The following PIBF1 variants were observed in gnomAD, a reference collection of about 807,000 sequenced individuals.
PIBF1 encodes progesterone immunomodulatory binding factor 1, also known as progesterone-induced-blocking factor 1.
PIBF1 carries 90 observed loss-of-function variants against 112.5 expected under a neutral mutation model. The observed-to-expected ratio is 0.80, with a 90% confidence interval of 0.67 to 0.95. PIBF1 has a LOEUF of 0.95. PIBF1 is among the 40% of genes least tolerant of loss of function. The pLI is 0.00. For synonymous variants in PIBF1, 301 were observed against 288.6 expected (o/e 1.04, Z -0.44); for missense variants, 915 against 852.3 (o/e 1.07, Z -0.92).
At chr13:72,809,073 G>A (rs1189850308) in intron 5 of PIBF1, among the ~76,000 whole-genome samples, 6 of 149,216 alleles carry the variant, frequency 4.0e-5, no homozygotes, top group Non-Finnish European at 8.9e-5. Context: ...TTACTTTATG[G>A]ATCTTTCTTA....
chr13:72,982,587 G>A (rs1433991377), intron 16 of PIBF1, among the ~76,000 whole-genome samples: 1 of 151,996 alleles, frequency 6.6e-6, no homozygotes, highest in African/African-American at 2.4e-5. Flanking sequence ...TTAAGCATCT[G>A]TCTTACCCAT....
intron 10 of PIBF1, among the ~76,000 whole-genome samples, chr13:72,891,109 T>C (rs2040038775): frequency 6.6e-6 from 1 of 152,168 alleles, no homozygotes; most frequent in Admixed American, 6.6e-5. Context: ...GTTTACTGTT[T>C]AACTTTTCAA....
intron 10 of PIBF1, 36 bp downstream of exon 10, chr13:72,854,191 C>A (rs1309764962): frequency 1.6e-6 from 2 of 1,279,348 alleles, no homozygotes; most frequent in East Asian, 4.6e-5. Context: ...TAAAACTCTT[C>A]CATTATTGTT....
intron 12 of PIBF1, among the ~76,000 whole-genome samples, chr13:72,915,041 AAATAC>A (rs1350977710): frequency 6.6e-6 from 1 of 152,240 alleles, no homozygotes; most frequent in African/African-American, 2.4e-5. Flanking sequence ...ACATTTTTAA[AAATAC>A]AATATAACAA....
intron 16 of PIBF1, among the ~76,000 whole-genome samples, chr13:72,974,930 TC>T (rs2042982497): frequency 6.6e-6 from 1 of 152,182 alleles, no homozygotes; most frequent in South Asian, 2.1e-4. Context: ...GAATGAGAGT[TC>T]CAGTTTCTCT....
rs537088522 is a variant in PIBF1, at chr13:72,962,792, A to T, written c.1834-2482A>T. On this transcript the variant is annotated intron_variant, in intron 14 of 17. Transcript: ENST00000326291. ...AATGGAAAAACTGATCCTAAAATTC[A>T]TATGGAATTTCAAGGAACCCTAAAT... is the stretch of plus-strand genomic sequence containing the variant. 4.8e-4 allele frequency among the ~76,000 whole-genome samples: 73 copies of T among 152,232 alleles called. 1 individual carries two copies. Among genetic ancestry groups the T allele is most frequent in the Non-Finnish European group, 1.3e-4 (9 of 68,036 alleles).
At chr13:72,857,385 A>G (rs2038471364) in intron 10 of PIBF1, among the ~76,000 whole-genome samples, 1 of 152,252 alleles carries the variant, frequency 6.6e-6, no homozygotes, top group Admixed American at 6.5e-5. Context: ...TTGATTCCCT[A>G]CAAATGAAAA....
chr13:72,853,070 A>G (rs956480781), intron 9 of PIBF1, among the ~76,000 whole-genome samples: 1 of 151,304 alleles, frequency 6.6e-6, no homozygotes, highest in Non-Finnish European at 1.5e-5. Flanking sequence ...AAAAAAAAAA[A>G]TAGGTGACTA....
intron 11 of PIBF1, among the ~76,000 whole-genome samples, chr13:72,895,584 T>G (rs547872787): frequency 9.3e-4 from 140 of 150,806 alleles, no homozygotes; most frequent in African/African-American, 3.2e-3. Context: ...AATTTAAACT[T>G]TTTTTTTTAC....
At chr13:72,956,671 C>G (rs1286547179) in intron 14 of PIBF1, among the ~76,000 whole-genome samples, 1 of 152,224 alleles carries the variant, frequency 6.6e-6, no homozygotes, top group African/African-American at 2.4e-5. Context: ...GTCTATTTAG[C>G]TGATGTCTTC....
At chr13:72,920,759 C>T (rs2041258478) in intron 13 of PIBF1, among the ~76,000 whole-genome samples, 1 of 151,792 alleles carries the variant, frequency 6.6e-6, no homozygotes, top group Admixed American at 6.6e-5. Flanking sequence ...TGACTAGTCA[C>T]TGCACTCCAG....
intron 14 of PIBF1, among the ~76,000 whole-genome samples, chr13:72,962,875 C>T (rs2042642570): frequency 6.6e-6 from 1 of 152,152 alleles, no homozygotes; most frequent in African/African-American, 2.4e-5. Flanking sequence ...TTCCAGATTT[C>T]TGAACTTACT....
At chr13:72,970,690 A>C (rs1001516545) in intron 15 of PIBF1, 8 of 152,276 alleles carry the variant, frequency 5.3e-5, no homozygotes, top group Middle Eastern at 3.4e-3. Flanking sequence ...TCACTCATAG[A>C]AGCTTTGTAT....
chr13:72,944,093 AT>A (rs2042084055), intron 14 of PIBF1, among the ~76,000 whole-genome samples: 1 of 152,004 alleles, frequency 6.6e-6, no homozygotes, highest in Non-Finnish European at 1.5e-5. Context: ...AAATCTGGCA[AT>A]TTTTAAAGGA....
rs377413581 is a variant in PIBF1, at chr13:72,891,446, T to A, written c.1323-2338T>A. Among the ~76,000 whole-genome samples the A allele has an allele frequency of 3.9e-5, 6 of 152,162 alleles. 1 individual carries two copies. The East Asian group carries it at 7.7e-4, about 20-fold the overall frequency. ...TTATAAAACAACTTGCCTCAAAGAGTACAGGGACATTTGTATGTCATAAAA... is the reference window on the plus strand; with the variant it reads ...TTATAAAACAACTTGCCTCAAAGAGAACAGGGACATTTGTATGTCATAAAA... On this transcript the variant is annotated intron_variant, in intron 10 of 17. Transcript: ENST00000326291.
intron 12 of PIBF1, among the ~76,000 whole-genome samples, chr13:72,914,322 A>G (rs894659784): frequency 6.6e-6 from 1 of 152,132 alleles, no homozygotes; most frequent in Non-Finnish European, 1.5e-5. Flanking sequence ...CAAAGATTTC[A>G]TCAAGTTGTT....
intron 15 of PIBF1, among the ~76,000 whole-genome samples, chr13:72,967,143 T>TCAC (rs1418495820): frequency 6.6e-6 from 1 of 151,634 alleles, no homozygotes; most frequent in African/African-American, 2.4e-5. Flanking sequence ...ACCATGTTGG[T>TCAC]CAGGCTGGTC....
chr13:73,010,051 G>T (rs2044147595), intron 17 of PIBF1, among the ~76,000 whole-genome samples: 1 of 152,034 alleles, frequency 6.6e-6, no homozygotes, highest in African/African-American at 2.4e-5. Context: ...AACCAATTCT[G>T]CATCCTTTGG....
At chr13:72,859,294 GTTAGA>G (rs1435288489) in intron 10 of PIBF1, among the ~76,000 whole-genome samples, 1 of 152,102 alleles carries the variant, frequency 6.6e-6, no homozygotes, top group Non-Finnish European at 1.5e-5. Flanking sequence ...ATGGAAATGA[GTTAGA>G]TAGGGAACAA....
Sources: gnomAD v4.1 joint callset for allele counts (sites outside exome capture counted in the v4.1 genomes callset) on GRCh38, gnomAD v4.1.1 for gene constraint, MANE v1.5 for transcripts, NCBI Gene and HGNC (gene_info 2026-07-23, HGNC 2026-07-21) for gene names.